THOC2: variants seen among roughly 807,000 people sequenced by gnomAD.
THOC2 encodes THO complex 2.
THOC2 carries 10 observed loss-of-function variants against 128.4 expected under a neutral mutation model. The observed-to-expected ratio is 0.08, with a 90% CI of 0.05 to 0.13. THOC2 has a LOEUF of 0.13. Among genes scored for constraint, THOC2 ranks in the 10% least tolerant of loss-of-function variants. The probability of loss-of-function intolerance (pLI) is 1.00; values close to 1 mark genes in which losing one functional copy is unlikely to be tolerated. For synonymous variants in THOC2, 393 were observed against 396.9 expected (o/e 0.99, Z 0.12); for missense variants, 535 against 1,155.7 (o/e 0.46, Z 7.79).
chrX:123,730,209 G>A (rs1245820548), intron 1 of THOC2, among the ~76,000 whole-genome samples: 3 of 101,958 alleles, frequency 2.9e-5, no homozygotes, highest in Non-Finnish European at 5.9e-5. Context: ...AAAGAGTTTC[G>A]CTCTTGTTAC....
chrX:123,708,987 TCCAC>T (rs1273180737), intron 2 of THOC2, among the ~76,000 whole-genome samples: 1 of 111,696 alleles, frequency 9.0e-6, no homozygotes, highest in Non-Finnish European at 1.9e-5. Context: ...CCTCAAGTGA[TCCAC>T]CCGCTTTGGC....
intron 38 of THOC2, chrX:123,603,449 C>T (rs1363139366): frequency 7.2e-6 from 3 of 416,922 alleles, no homozygotes; most frequent in Non-Finnish European, 1.2e-5. Flanking sequence ...AACTAAAACT[C>T]AGTGAAATTT....
chrX:123,677,408 A>C (rs2049544807), intron 8 of THOC2, among the ~76,000 whole-genome samples: 1 of 112,216 alleles, frequency 8.9e-6, no homozygotes, highest in African/African-American at 3.2e-5. Flanking sequence ...TCAATAAATT[A>C]AAATAAATTA....
intron 3 of THOC2, among the ~76,000 whole-genome samples, chrX:123,703,824 G>A (rs1444681586): frequency 1.1e-5 from 1 of 91,700 alleles, no homozygotes; most frequent in Non-Finnish European, 2.1e-5. Context: ...CCGGGAGGTG[G>A]AAGCTGCAGT....
At chrX:123,633,537 G>C (rs1262522133) in intron 20 of THOC2, among the ~76,000 whole-genome samples, 1 of 110,964 alleles carries the variant, frequency 9.0e-6, no homozygotes, top group Non-Finnish European at 1.9e-5. Context: ...CAAGTAGCTG[G>C]GATTACAGGC....
At chrX:123,628,871 C>G (rs1252819930) in intron 22 of THOC2, among the ~76,000 whole-genome samples, 1 of 110,258 alleles carries the variant, frequency 9.1e-6, no homozygotes, top group African/African-American at 3.3e-5. Context: ...CTGGGAACAT[C>G]CCAGGCAAAC....
At position 123,636,136 on chromosome X, in the gene THOC2, G is replaced by A. The variant is rs2047664688; in HGVS notation, c.1961C>T (p.Pro654Leu). 1 of 1,208,571 alleles carries A rather than the reference G, an allele frequency of 8.3e-7. No individual in the cohort carries two copies. Among genetic ancestry groups the A allele is most frequent in the Non-Finnish European group, 1.1e-6 (1 of 894,186 alleles). Residue 654 changes from proline (P) to leucine (L), a missense_variant, in exon 19 of 39, where the codon CCA (proline) becomes CTA (leucine). Pro to Leu is a moderately conservative substitution (Grantham distance 98). Around this residue, in one of 9 missense-constraint regions of THOC2, gnomAD observed 90 missense variants for 298.6 expected, o/e 0.30. Transcript: ENST00000245838. ...SFCGAVFRKY[P>L]IDLAGLLQYV... ...CTGAAGAAGACCAGCAAGATCAATT[G>A]GATATTTACGAAAAACTGCACCACA...
intron 16 of THOC2, among the ~76,000 whole-genome samples, chrX:123,639,710 C>T (rs1292499533): frequency 9.0e-6 from 1 of 111,535 alleles, no homozygotes; most frequent in African/African-American, 3.3e-5. Flanking sequence ...GTACTATGCT[C>T]ACTATTTGGG....
chrX:123,611,612 C>T, intron 36 of THOC2, 96 bp from the exon 37 acceptor site: 1 of 506,203 alleles, frequency 2.0e-6, no homozygotes, highest in Non-Finnish European at 3.2e-6. Flanking sequence ...TATTTGTCTT[C>T]AAAAACTTAC....
At position 123,711,201 on chromosome X, in the gene THOC2, G is replaced by GT. The variant is rs1363863119; in HGVS notation, c.130+1648dup. Among the ~76,000 whole-genome samples, 38 of 95,446 alleles carry GT rather than the reference G, an allele frequency of 4.0e-4. No individual in the cohort carries two copies. The East Asian group carries it at 4.9e-3, about 12-fold the overall frequency. 82.9% of individuals were successfully genotyped at this position (95,446 alleles called of 115,157 possible). ...ACGCAGCTAATTTTTTTTTGTTTTTGTTTTTTTTTTGGTAGAGATGGAGTT... is the reference window on the plus strand; with the variant it reads ...ACGCAGCTAATTTTTTTTTGTTTTTGTTTTTTTTTTTGGTAGAGATGGAGTT... On this transcript the variant is annotated intron_variant, in intron 2 of 38. Transcript: ENST00000245838.
intron 12 of THOC2, among the ~76,000 whole-genome samples, chrX:123,645,904 G>A (rs1227152972): frequency 9.1e-6 from 1 of 110,202 alleles, no homozygotes; most frequent in Non-Finnish European, 1.9e-5. Context: ...GTAGGTTGCA[G>A]TGAGCCGAGA....
chrX:123,726,770 C>T (rs1313600122), intron 1 of THOC2, among the ~76,000 whole-genome samples: 1 of 112,144 alleles, frequency 8.9e-6, no homozygotes, highest in Admixed American at 9.5e-5. Context: ...CATTAGGACA[C>T]AGATGACAAT....
chrX:123,679,679 A>C (rs1354035271), intron 8 of THOC2, among the ~76,000 whole-genome samples: 1 of 112,108 alleles, frequency 8.9e-6, no homozygotes, highest in Non-Finnish European at 1.9e-5. Context: ...TCAGATTGTT[A>C]CTGCGTCTGT....
intron 38 of THOC2, among the ~76,000 whole-genome samples, chrX:123,609,739 A>C (rs2046626310): frequency 8.9e-6 from 1 of 111,994 alleles, no homozygotes; most frequent in African/African-American, 3.3e-5. Flanking sequence ...GGCTATAAAA[A>C]AGCAGAGTCG....
chrX:123,612,525 AG>A (rs1394737898), intron 36 of THOC2, among the ~76,000 whole-genome samples: 2 of 111,534 alleles, frequency 1.8e-5, no homozygotes, highest in African/African-American at 6.5e-5. Context: ...GGGGCTGAGA[AG>A]GGGAAATGGG....
chrX:123,729,346 C>T (rs773630701), intron 1 of THOC2, among the ~76,000 whole-genome samples: 164 of 111,868 alleles, frequency 1.5e-3, no homozygotes, highest in African/African-American at 5.2e-3. Flanking sequence ...AGGCAAAATA[C>T]AGTTTTACTT....
chrX:123,669,056 T>G (rs1273948553), intron 9 of THOC2, among the ~76,000 whole-genome samples: 1 of 110,813 alleles, frequency 9.0e-6, no homozygotes, highest in Non-Finnish European at 1.9e-5. Flanking sequence ...GGAGTGTTCC[T>G]GACCCCTAGA....
In THOC2 at chrX:123,668,155, ATACTTTCTC is replaced by A; in HGVS notation, c.1012_1017+3del. On this transcript the variant is annotated splice_donor_variant and splice_donor_region_variant and coding_sequence_variant and intron_variant, in exon 10 of 39. Transcript: ENST00000245838. LOFTEE classifies it high-confidence loss of function. ...TGTTAATTTTACTAGAATGAATTAC[ATACTTTCTC>A]TACTTTCTCCTCTTCTTTTTCCTTT... 1 of 1,165,994 alleles carries A rather than the reference ATACTTTCTC, an allele frequency of 8.6e-7. No homozygotes were observed.
chrX:123,650,037 A>C (rs1052056132), intron 12 of THOC2, among the ~76,000 whole-genome samples: 1 of 111,801 alleles, frequency 8.9e-6, no homozygotes, highest in East Asian at 2.8e-4. Context: ...GAAGAAAAAA[A>C]TGTTAAGGGC....
Sources: allele counts gnomAD v4.1 joint callset (sites outside exome capture counted in the v4.1 genomes callset), GRCh38; gene constraint gnomAD v4.1.1; regional missense constraint gnomAD v4.1.1; transcripts MANE v1.5; gene names NCBI Gene and HGNC (gene_info 2026-07-23, HGNC 2026-07-21).